The following TENM3 variants were observed in gnomAD, a reference collection of about 807,000 sequenced individuals.
The protein encoded by TENM3 is teneurin transmembrane protein 3, also known as teneurin-3.
Under a neutral mutation model 255.1 loss-of-function variants are expected in TENM3, and 63 were observed. That is an observed-to-expected ratio of 0.25 (90% confidence interval 0.20 to 0.30). The LOEUF (loss-of-function observed/expected upper bound fraction) is 0.30, where lower values mean the gene tolerates loss of function less well. Ranked by LOEUF, TENM3 falls within the 10% of genes least tolerant of loss-of-function variation. The pLI is 1.00. For synonymous variants in TENM3, 1,306 were observed against 1,322.3 expected, an observed-to-expected ratio of 0.99 and a Z score of 0.27; for missense variants, 2,929 against 3,461.1, an observed-to-expected ratio of 0.85 and a Z score of 3.86.
chr4:181,887,593 T>G, the TENM3 span, among the ~76,000 whole-genome samples: 1 of 152,182 alleles, frequency 6.6e-6, no homozygotes, highest in African/African-American at 2.4e-5. Flanking sequence ...CTGTTTAAAA[T>G]ATTTCCAAGG....
the TENM3 span, among the ~76,000 whole-genome samples, chr4:181,637,140 C>T: frequency 6.6e-6 from 1 of 152,184 alleles, no homozygotes; most frequent in African/African-American, 2.4e-5. Context: ...TACAAGATTG[C>T]GAAGCCCCTT....
At chr4:182,150,249 AAGAG>A (rs1750246567) in intron 1 of TENM3, among the ~76,000 whole-genome samples, 1 of 151,854 alleles carries the variant, frequency 6.6e-6, no homozygotes, top group Non-Finnish European at 1.5e-5. Context: ...GAGTAAGAGA[AAGAG>A]AGAGAAAGAG....
At chr4:182,131,542 G>A in the TENM3 span, among the ~76,000 whole-genome samples, 1 of 152,134 alleles carries the variant, frequency 6.6e-6, no homozygotes, top group African/African-American at 2.4e-5. Context: ...AAGATACTGG[G>A]TTTACCTTCT....
chr4:182,251,120 G>A (rs1460456205), intron 1 of TENM3, among the ~76,000 whole-genome samples: 1 of 152,086 alleles, frequency 6.6e-6, no homozygotes, highest in African/African-American at 2.4e-5. Context: ...GCATTTTGAG[G>A]TCTGGATTTC....
At position 182,793,759 on chromosome 4, in the gene TENM3, C is replaced by A; in HGVS notation, c.7087C>A (p.Arg2363=). ...AAGAGATTATGACATTTTGGCAGGA[C>A]GGTGGACAACACCTGACATAGAAAT... The part of the protein sequence containing the change: ...GERDYDILAG[R]WTTPDIEIWK... Residue 2363 remains arginine, a synonymous_variant, in exon 26 of 28, where the codon CGG becomes AGG. Transcript: ENST00000511685. The surrounding 1 kb of genome is among the most constrained non-coding windows in gnomAD (Gnocchi z 5.7). The A allele has an allele frequency of 6.2e-7, 1 of 1,613,894 alleles. No homozygotes were observed. Among genetic ancestry groups the A allele is most frequent in the Non-Finnish European group, 8.5e-7 (1 of 1,179,864 alleles).
intron 1 of TENM3, among the ~76,000 whole-genome samples, chr4:182,167,611 A>G (rs768745187): frequency 6.6e-6 from 1 of 152,146 alleles, no homozygotes; most frequent in African/African-American, 2.4e-5. Flanking sequence ...GGTGGCTCAC[A>G]CCTATAATCT....
At chr4:181,756,231 C>T in the TENM3 span, among the ~76,000 whole-genome samples, 3 of 152,104 alleles carry the variant, frequency 2.0e-5, no homozygotes, top group African/African-American at 4.8e-5. Context: ...CCTTGTTATC[C>T]TAGTGAAACA....
the TENM3 span, among the ~76,000 whole-genome samples, chr4:182,098,955 CTTTTTTTCTTT>C: frequency 7.5e-6 from 1 of 133,830 alleles, no homozygotes; most frequent in East Asian, 2.2e-4. Context: ...GTGCACAACT[CTTTTTTTCTTT>C]TTTTTTTTTT....
chr4:182,511,049 T>A (rs1381515262), intron 3 of TENM3, among the ~76,000 whole-genome samples: 1 of 152,194 alleles, frequency 6.6e-6, no homozygotes, highest in African/African-American at 2.4e-5. Flanking sequence ...AAGCCCATTG[T>A]GTGCATAGCA....
chr4:181,578,427 G>A, the TENM3 span, among the ~76,000 whole-genome samples: 8 of 152,122 alleles, frequency 5.3e-5, no homozygotes, highest in African/African-American at 1.4e-4. Context: ...GGCAAGAGAC[G>A]GAGGAATAGC....
At chr4:181,529,260 A>G in the TENM3 span, among the ~76,000 whole-genome samples, 4 of 152,196 alleles carry the variant, frequency 2.6e-5, no homozygotes, top group Non-Finnish European at 5.9e-5. Context: ...GCAAAAATGA[A>G]TGAGAAATGG....
At chr4:181,641,784 C>A in the TENM3 span, among the ~76,000 whole-genome samples, 12 of 62,954 alleles carry the variant, frequency 1.9e-4, no homozygotes, top group South Asian at 5.3e-4. Flanking sequence ...ATACACACAC[C>A]ATATATATAT....
Position 182,800,432 on chromosome 4 carries a change from C to T in TENM3, c.*81C>T, listed in dbSNP as rs1180960199. ...CAACCCGAGTGGGACTCTCCAACGCCCAAGAGCCTTCCTCCCGGGGGAATG... is the reference window on the plus strand; with the variant it reads ...CAACCCGAGTGGGACTCTCCAACGCTCAAGAGCCTTCCTCCCGGGGGAATG... On this transcript the variant is annotated 3_prime_UTR_variant, in exon 28 of 28. Coordinates refer to ENST00000511685, the MANE Select transcript of TENM3 (RefSeq NM_001080477.4). 1 of 1,436,484 alleles carries T rather than the reference C, an allele frequency of 7.0e-7. No individual in the cohort carries two copies. The highest frequency in any genetic ancestry group is 9.2e-7 in the Non-Finnish European group (1 of 1,090,654). 89.0% of individuals were successfully genotyped at this position (1,436,484 alleles called of 1,614,324 possible).
At chr4:182,532,791 T>C (rs1241494769) in intron 3 of TENM3, among the ~76,000 whole-genome samples, 1 of 152,214 alleles carries the variant, frequency 6.6e-6, no homozygotes, top group Non-Finnish European at 1.5e-5. Context: ...ATAATTGTCA[T>C]TTTCTTTAAA....
intron 1 of TENM3, among the ~76,000 whole-genome samples, chr4:182,196,960 C>A (rs1036590289): frequency 2.6e-5 from 4 of 152,132 alleles, no homozygotes; most frequent in African/African-American, 9.7e-5. Flanking sequence ...TGCCAAGGAG[C>A]TCAGGACCTG....
At chr4:182,349,856 T>C in intron 3 of TENM3, 1 of 384,628 alleles carries the variant, frequency 2.6e-6, no homozygotes, top group Non-Finnish European at 5.1e-6. Flanking sequence ...GATGTGTTCT[T>C]GGAAGTTCTA....
chr4:181,592,152 T>G, the TENM3 span, among the ~76,000 whole-genome samples: 2 of 151,966 alleles, frequency 1.3e-5, no homozygotes, highest in Admixed American at 1.3e-4. Context: ...ACTGTGGTCA[T>G]GGTTGCGTGG....
At chr4:182,431,526 A>C (rs1413077607) in intron 3 of TENM3, among the ~76,000 whole-genome samples, 3 of 152,110 alleles carry the variant, frequency 2.0e-5, no homozygotes, top group Non-Finnish European at 4.4e-5. Flanking sequence ...GATGGGTGAG[A>C]TTCAAGACCT....
At chr4:182,255,089 C>T (rs1758298994) in intron 1 of TENM3, among the ~76,000 whole-genome samples, 1 of 152,148 alleles carries the variant, frequency 6.6e-6, no homozygotes, top group African/African-American at 2.4e-5. Context: ...CCAGTTTCTA[C>T]CCTAAATTTT....
Sources: gnomAD v4.1 joint callset for allele counts (sites outside exome capture counted in the v4.1 genomes callset) on GRCh38, gnomAD v4.1.1 for gene constraint, Gnocchi (gnomAD v3.1) non-coding constraint, MANE v1.5 for transcripts, NCBI Gene and HGNC (gene_info 2026-07-23, HGNC 2026-07-21) for gene names.